MYO3B: variants seen among roughly 807,000 people sequenced by gnomAD.
MYO3B encodes the protein myosin-IIIb.
MYO3B carries 156 observed loss-of-function variants against 174.6 expected under a neutral mutation model. That is an observed-to-expected ratio of 0.89 (90% CI 0.78 to 1.02). MYO3B has a LOEUF of 1.02. MYO3B is among the 50% of genes least tolerant of loss of function. The probability of loss-of-function intolerance (pLI) is 0.00; values close to 1 mark genes in which losing one functional copy is unlikely to be tolerated. For synonymous variants in MYO3B, 563 were observed against 569.1 expected (o/e 0.99, Z 0.15); for missense variants, 1,632 against 1,639.4 (o/e 1.00, Z 0.08).
intron 25 of MYO3B, among the ~76,000 whole-genome samples, chr2:170,489,471 G>A (rs1361217059): frequency 1.3e-5 from 2 of 152,204 alleles, no homozygotes; most frequent in African/African-American, 4.8e-5. Flanking sequence ...AGAAATGATA[G>A]GGAAGGAAGT....
chr2:170,566,206 A>T (rs1218497025), intron 32 of MYO3B, among the ~76,000 whole-genome samples: 1 of 152,246 alleles, frequency 6.6e-6, no homozygotes, highest in Non-Finnish European at 1.5e-5. Flanking sequence ...CATTTAATGT[A>T]AGAAAGCATC....
intron 32 of MYO3B, among the ~76,000 whole-genome samples, chr2:170,630,403 G>T (rs569271902): frequency 2.6e-5 from 4 of 152,174 alleles, no homozygotes; most frequent in African/African-American, 7.2e-5. Flanking sequence ...CAGGAAGCTC[G>T]AACTGAGTGG....
At chr2:170,579,007 T>C (rs969446289) in intron 32 of MYO3B, among the ~76,000 whole-genome samples, 4 of 152,244 alleles carry the variant, frequency 2.6e-5, no homozygotes, top group African/African-American at 9.6e-5. Flanking sequence ...AAGTGATGGA[T>C]TGAATATAAT....
intron 7 of MYO3B, among the ~76,000 whole-genome samples, chr2:170,299,403 C>G (rs189229243): frequency 2.0e-4 from 30 of 152,286 alleles, no homozygotes; most frequent in African/African-American, 7.2e-4. Flanking sequence ...GTCACCTTCA[C>G]TGCTGCCATG....
chr2:170,565,604 A>G (rs1226346386), intron 32 of MYO3B, among the ~76,000 whole-genome samples: 2 of 152,234 alleles, frequency 1.3e-5, no homozygotes, highest in Non-Finnish European at 2.9e-5. Flanking sequence ...TTGTAGCCAT[A>G]GGACTGGAGC....
intron 12 of MYO3B, 34 bp downstream of exon 12, chr2:170,383,848 C>T (rs148409407): frequency 6.6e-7 from 1 of 1,516,462 alleles, no homozygotes; most frequent in Admixed American, 1.7e-5. Flanking sequence ...ACGGAGTCAC[C>T]CAGTTAAGAC....
intron 7 of MYO3B, among the ~76,000 whole-genome samples, chr2:170,255,003 T>C (rs1483787081): frequency 6.6e-6 from 1 of 152,172 alleles, no homozygotes; most frequent in African/African-American, 2.4e-5. Context: ...CCCATAGTCC[T>C]CTGCTGGGAT....
chr2:170,448,839 A>G (rs956379963), intron 23 of MYO3B, among the ~76,000 whole-genome samples: 91 of 151,596 alleles, frequency 6.0e-4, no homozygotes, highest in African/African-American at 2.1e-3. Flanking sequence ...CCCCAGTTTT[A>G]CTAAAGATAA....
intron 30 of MYO3B, among the ~76,000 whole-genome samples, chr2:170,536,974 G>C (rs936048730): frequency 7.9e-5 from 12 of 152,002 alleles, no homozygotes; most frequent in Non-Finnish European, 1.2e-4. Flanking sequence ...GTCTGAGGCA[G>C]GTGAATCACG....
At chr2:170,609,978 ACT>A (rs1695035277) in intron 32 of MYO3B, among the ~76,000 whole-genome samples, 2 of 152,156 alleles carry the variant, frequency 1.3e-5, no homozygotes, top group African/African-American at 4.8e-5. Context: ...GAAAGAGAAG[ACT>A]CTCACCACAG....
At chr2:170,203,149 A>G (rs1417076241) in intron 3 of MYO3B, among the ~76,000 whole-genome samples, 3 of 152,206 alleles carry the variant, frequency 2.0e-5, no homozygotes, top group Non-Finnish European at 4.4e-5. Context: ...TTAAAAATCT[A>G]TAAGTCCGCC....
chr2:170,192,922 T>C (rs2092557358), intron 1 of MYO3B, among the ~76,000 whole-genome samples: 1 of 151,818 alleles, frequency 6.6e-6, no homozygotes, highest in Non-Finnish European at 1.5e-5. Context: ...TTGGAATGTA[T>C]TGAGGCTTTA....
chr2:170,416,157 A>T (rs2094577080), intron 22 of MYO3B, among the ~76,000 whole-genome samples: 1 of 152,018 alleles, frequency 6.6e-6, no homozygotes, highest in South Asian at 2.1e-4. Flanking sequence ...CATCTGCAGC[A>T]TCGCTCACCT....
intron 32 of MYO3B, among the ~76,000 whole-genome samples, chr2:170,602,575 C>T (rs1363945578): frequency 2.0e-5 from 3 of 152,308 alleles, no homozygotes; most frequent in Middle Eastern, 3.4e-3. Context: ...GTCCTTTTTA[C>T]TTTTTGCTTC....
At chr2:170,552,321 A>G (rs562386688) in intron 32 of MYO3B, among the ~76,000 whole-genome samples, 1 of 152,318 alleles carries the variant, frequency 6.6e-6, no homozygotes, top group Admixed American at 6.5e-5. Flanking sequence ...GCTGATAGTG[A>G]TATGGACAGT....
intron 8 of MYO3B, among the ~76,000 whole-genome samples, chr2:170,364,221 A>G (rs565716022): frequency 6.6e-6 from 1 of 152,288 alleles, no homozygotes; most frequent in East Asian, 1.9e-4. Context: ...TGGGGCCCAA[A>G]CAAACAAACA....
intron 7 of MYO3B, among the ~76,000 whole-genome samples, chr2:170,269,288 A>G (rs772650191): frequency 6.6e-6 from 1 of 152,170 alleles, no homozygotes; most frequent in Non-Finnish European, 1.5e-5. Context: ...GAGTGAGTGT[A>G]TTGGTCACCA....
At chr2:170,523,720 G>A (rs1295402534) in intron 30 of MYO3B, among the ~76,000 whole-genome samples, 2 of 152,190 alleles carry the variant, frequency 1.3e-5, no homozygotes, top group Non-Finnish European at 2.9e-5. Flanking sequence ...GGTGGCCAAA[G>A]CAACACTAAA....
At chr2:170,574,017 G>A (rs1692628580) in intron 32 of MYO3B, among the ~76,000 whole-genome samples, 2 of 152,078 alleles carry the variant, frequency 1.3e-5, no homozygotes, top group South Asian at 4.1e-4. Context: ...AGGAAACTGA[G>A]GGCCAAGAAA....
Sources: gnomAD v4.1 joint callset for allele counts (sites outside exome capture counted in the v4.1 genomes callset) on GRCh38, gnomAD v4.1.1 for gene constraint, MANE v1.5 for transcripts, NCBI Gene and HGNC (gene_info 2026-07-23, HGNC 2026-07-21) for gene names.